KCNT1: variants seen among roughly 807,000 people sequenced by gnomAD.
The protein encoded by KCNT1 is potassium channel subfamily T member 1.
KCNT1 carries 78 observed loss-of-function variants against 147.8 expected under a neutral mutation model. The observed-to-expected ratio is 0.53, with a 90% CI of 0.44 to 0.64. The LOEUF (loss-of-function observed/expected upper bound fraction) is 0.64. KCNT1 is among the 30% of genes least tolerant of loss of function. The probability of loss-of-function intolerance (pLI) is 0.00; values close to 1 mark genes in which losing one functional copy is unlikely to be tolerated. For synonymous variants in KCNT1, 867 were observed against 748.8 expected (o/e 1.16, Z -2.58); for missense variants, 1,419 against 1,750.3 (o/e 0.81, Z 3.38).
chr9:135,783,576 G>C (rs746163030), intron 24 of KCNT1, among the ~76,000 whole-genome samples: 1 of 152,140 alleles, frequency 6.6e-6, no homozygotes, highest in Admixed American at 6.5e-5. Flanking sequence ...GCACAGGGAC[G>C]GGGAGGCCAA....
At chr9:135,715,029 C>G (rs1835666046) in intron 2 of KCNT1, among the ~76,000 whole-genome samples, 1 of 152,206 alleles carries the variant, frequency 6.6e-6, no homozygotes, top group African/African-American at 2.4e-5. Context: ...CCCCCAGCAC[C>G]CCAGTTTTTC....
intron 2 of KCNT1, among the ~76,000 whole-genome samples, chr9:135,745,792 C>T (rs1200184219): frequency 3.9e-5 from 6 of 152,222 alleles, no homozygotes; most frequent in African/African-American, 1.4e-4. Flanking sequence ...CCCGTGTAGC[C>T]TCACAGGGCT....
rs529859737 is a variant in KCNT1, at chr9:135,785,754, G to GT, written c.3177+424_3177+425insT. The stretch of plus-strand genomic sequence containing the variant: ...CTGGCACCCCACGTTCCCCAGGTTC[G>GT]GGGCCTCCAAAGGGTGTGTTTGCAA... On this transcript the variant is annotated intron_variant, in intron 28 of 30. Transcript: ENST00000371757. 1,106 of 440,576 alleles carry GT rather than the reference G, an allele frequency of 2.5e-3. 1 individual carries two copies. Among genetic ancestry groups the GT allele is most frequent in the Non-Finnish European group, 3.6e-3 (864 of 239,688 alleles). 27.3% of individuals were successfully genotyped at this position (440,576 alleles called of 1,614,324 possible). A position where few individuals can be genotyped will look rare whatever the true frequency, so the allele number is the denominator to read the frequency against.
At chr9:135,775,044 C>G (rs990298795) in intron 19 of KCNT1, among the ~76,000 whole-genome samples, 1 of 152,190 alleles carries the variant, frequency 6.6e-6, no homozygotes, top group African/African-American at 2.4e-5. Flanking sequence ...ACTGCCCTGA[C>G]TGCCCTGCAG....
At chr9:135,739,927 C>G (rs954447338) in intron 2 of KCNT1, among the ~76,000 whole-genome samples, 11 of 152,164 alleles carry the variant, frequency 7.2e-5, no homozygotes, top group Non-Finnish European at 1.2e-4. Flanking sequence ...TTTGCTGGGC[C>G]CACACCTCAT....
intron 29 of KCNT1, chr9:135,790,736 A>C (rs1348774646): frequency 6.6e-6 from 1 of 152,476 alleles, no homozygotes; most frequent in Non-Finnish European, 1.5e-5. Flanking sequence ...GGCAGCAGCC[A>C]GGGTGGAGGC....
At chr9:135,724,695 A>G (rs1836060249) in intron 2 of KCNT1, among the ~76,000 whole-genome samples, 2 of 152,214 alleles carry the variant, frequency 1.3e-5, no homozygotes, top group African/African-American at 2.4e-5. Context: ...ACTTAAGACA[A>G]TTATTTTCCA....
intron 11 of KCNT1, among the ~76,000 whole-genome samples, chr9:135,763,352 A>C (rs1832040305): frequency 6.6e-6 from 1 of 152,206 alleles, no homozygotes; most frequent in African/African-American, 2.4e-5. Context: ...CTTGAAGCAG[A>C]GTGATGACCC....
chr9:135,751,551 A>G (rs1302330445), intron 4 of KCNT1, among the ~76,000 whole-genome samples: 1 of 152,186 alleles, frequency 6.6e-6, no homozygotes, highest in Non-Finnish European at 1.5e-5. Context: ...CTGCACCGTC[A>G]GGTCCTTACC....
Position 135,712,798 on chromosome 9 carries a change from G to T in KCNT1, c.111-1779G>T, listed in dbSNP as rs1021175239. 1.4e-4 allele frequency among the ~76,000 whole-genome samples: 22 copies of T among 152,234 alleles called. 1 individual carries two copies. The highest frequency in any genetic ancestry group is 3.3e-4 in the Admixed American group (5 of 15,286). ...ATTTTCAAGGTTTCTGGCTCTGTGG[G>T]GGGAACAAGGCAGGATGCCAGGAGG... On this transcript the variant is annotated intron_variant, in intron 1 of 30. Transcript: ENST00000371757.
chr9:135,723,454 G>A (rs546879772), intron 2 of KCNT1, among the ~76,000 whole-genome samples: 1 of 152,366 alleles, frequency 6.6e-6, no homozygotes, highest in East Asian at 1.9e-4. Context: ...TCCACAGGGT[G>A]GCAGGCAGGG....
chr9:135,738,943 G>T (rs1830449956), intron 2 of KCNT1, among the ~76,000 whole-genome samples: 1 of 152,110 alleles, frequency 6.6e-6, no homozygotes, highest in African/African-American at 2.4e-5. Context: ...AGTGCCCAAT[G>T]GGGGGACAGG....
chr9:135,766,260 T>C (rs1389791847), intron 13 of KCNT1, among the ~76,000 whole-genome samples: 2 of 146,660 alleles, frequency 1.4e-5, no homozygotes, highest in Non-Finnish European at 3.0e-5. Flanking sequence ...CCAGTGTAGA[T>C]CATGTGGGGT....
chr9:135,745,122 C>T (rs920322955), intron 2 of KCNT1, among the ~76,000 whole-genome samples: 7 of 152,248 alleles, frequency 4.6e-5, no homozygotes, highest in Admixed American at 3.3e-4. Flanking sequence ...CCGCCATGAG[C>T]GCTCACTTGC....
rs750233863 is a variant in KCNT1 at position 135,759,833 on chromosome 9, G to A, written c.1009G>A (p.Val337Met). 5.0e-6 allele frequency: 8 copies of A among 1,608,952 alleles called. No homozygotes were observed. Among genetic ancestry groups the A allele is most frequent in the South Asian group, 1.1e-5 (1 of 90,450 alleles). Residue 337 changes from valine to methionine, a missense_variant, in exon 11 of 31, where the codon GTG (valine) becomes ATG (methionine). Physicochemically the swap from Val to Met is conservative, Grantham distance 21. Transcript: ENST00000371757. ...GCTGCTGGTGGTCATCATGATCTGCGTGGCCCTCGTGGTGCTCCCACTGCA... is the reference window on the plus strand; with the variant it reads ...GCTGCTGGTGGTCATCATGATCTGCATGGCCCTCGTGGTGCTCCCACTGCA... ...SQLLVVIMICVALVVLPLQFE... is the reference protein window; with the variant it reads ...SQLLVVIMICMALVVLPLQFE...
At chr9:135,736,944 C>G (rs1276514948) in intron 2 of KCNT1, 4 of 298,240 alleles carry the variant, frequency 1.3e-5, no homozygotes, top group South Asian at 1.6e-4. Flanking sequence ...TGCTTCCTGC[C>G]GTGTCTCCAG....
rs192066947 is a variant in KCNT1 at position 135,768,287 on chromosome 9, G to A, written c.1338-323G>A. On this transcript the variant is annotated intron_variant, in intron 13 of 30. Coordinates refer to ENST00000371757, the MANE Select transcript of KCNT1 (RefSeq NM_020822.3). ...GGGATACCGGTGGGGGGGGCACAGG[G>A]ATGCCTGCTGGTGGAGGGCACACAA... is the stretch of plus-strand genomic sequence containing the variant. Among the ~76,000 whole-genome samples, 365 of 75,036 alleles carry A rather than the reference G, an allele frequency of 4.9e-3. 41 individuals carry two copies. Among genetic ancestry groups the A allele is most frequent in the African/African-American group, 0.015 (236 of 15,404 alleles). 49.2% of individuals were successfully genotyped at this position (75,036 alleles called of 152,430 possible).
At chr9:135,738,816 G>T (rs887665874) in intron 2 of KCNT1, among the ~76,000 whole-genome samples, 13 of 152,140 alleles carry the variant, frequency 8.5e-5, no homozygotes, top group Non-Finnish European at 1.8e-4. Flanking sequence ...GAGCTCCGGG[G>T]TCTCCTCCTT....
At chr9:135,745,865 C>G (rs1044432812) in intron 2 of KCNT1, among the ~76,000 whole-genome samples, 21 of 152,332 alleles carry the variant, frequency 1.4e-4, no homozygotes, top group African/African-American at 4.8e-4. Context: ...CTCTGAGGAG[C>G]TAGCGGAGCC....
Sources: gnomAD v4.1 joint callset for allele counts (sites outside exome capture counted in the v4.1 genomes callset) on GRCh38, gnomAD v4.1.1 for gene constraint, MANE v1.5 for transcripts, NCBI Gene and HGNC (gene_info 2026-07-23, HGNC 2026-07-21) for gene names.